The following IL1RAPL2 variants were observed in gnomAD, a reference collection of about 807,000 sequenced individuals.
IL1RAPL2 encodes interleukin 1 receptor accessory protein like 2.
Under a neutral mutation model 44.1 loss-of-function variants are expected in IL1RAPL2, and 3 were observed. The ratio of observed to expected loss-of-function variants is 0.07; its 90% confidence interval spans 0.03 to 0.18. IL1RAPL2 has a LOEUF of 0.18. IL1RAPL2 is among the 10% of genes least tolerant of loss of function. The pLI, the probability that IL1RAPL2 is intolerant of heterozygous loss-of-function variation, is 1.00. For synonymous variants in IL1RAPL2, 181 were observed against 178.8 expected (o/e 1.01, Z -0.10); for missense variants, 391 against 496.4 (o/e 0.79, Z 2.02).
chrX:104,905,178 A>G (rs1373121656), intron 2 of IL1RAPL2, among the ~76,000 whole-genome samples: 1 of 111,022 alleles, frequency 9.0e-6, no homozygotes, highest in South Asian at 3.8e-4. Flanking sequence ...AATTTGTTGG[A>G]GTTCATTGTA....
chrX:104,772,621 A>G (rs1357128782), intron 2 of IL1RAPL2, among the ~76,000 whole-genome samples: 2 of 112,028 alleles, frequency 1.8e-5, no homozygotes, highest in African/African-American at 3.2e-5. Context: ...CAATTTCCAC[A>G]TGTTTAAAGC....
intron 2 of IL1RAPL2, among the ~76,000 whole-genome samples, chrX:104,883,803 C>T (rs889000962): frequency 2.7e-5 from 3 of 111,637 alleles, no homozygotes; most frequent in Non-Finnish European, 5.6e-5. Context: ...AGGATCCCTC[C>T]TCAGACTAGC....
chrX:105,273,140 C>T (rs2034460196), intron 5 of IL1RAPL2, among the ~76,000 whole-genome samples: 1 of 111,525 alleles, frequency 9.0e-6, no homozygotes, highest in Admixed American at 9.5e-5. Flanking sequence ...TCCCAGAGAG[C>T]TTTTATCTAT....
intron 5 of IL1RAPL2, among the ~76,000 whole-genome samples, chrX:105,353,845 G>A (rs972525067): frequency 1.8e-5 from 2 of 111,054 alleles, no homozygotes; most frequent in Non-Finnish European, 3.8e-5. Flanking sequence ...GAGGCGATGG[G>A]GTTTTCTAGA....
chrX:105,370,253 G>A (rs749930916), intron 5 of IL1RAPL2, among the ~76,000 whole-genome samples: 123 of 111,489 alleles, frequency 1.1e-3, no homozygotes, highest in Non-Finnish European at 1.8e-3. Flanking sequence ...GTTCAGGGGT[G>A]CACATGCAAA....
chrX:104,699,102 T>C (rs1311178105), intron 2 of IL1RAPL2, among the ~76,000 whole-genome samples: 2 of 111,673 alleles, frequency 1.8e-5, no homozygotes, highest in Non-Finnish European at 3.8e-5. Context: ...TCTGCCATCA[T>C]CTAGACCAGC....
chrX:105,054,403 A>C (rs189554744), intron 2 of IL1RAPL2, among the ~76,000 whole-genome samples: 17 of 111,789 alleles, frequency 1.5e-4, no homozygotes, highest in African/African-American at 5.5e-4. Flanking sequence ...GATCTGTGCT[A>C]TCTGATATGG....
rs897378818 is a variant in IL1RAPL2, at chrX:104,672,628, G to A, written c.82+13633G>A. Among the ~76,000 whole-genome samples, 7 of 102,722 alleles carry A rather than the reference G, an allele frequency of 6.8e-5. No homozygotes were observed. In the South Asian group the frequency reaches 3.3e-3, roughly 49 times the overall value. 89.2% of individuals were successfully genotyped at this position (102,722 alleles called of 115,157 possible). On this transcript the variant is annotated intron_variant, in intron 2 of 10. Transcript: ENST00000372582. ...TATATACCCAGTAATGGGATGGCTGGGTCAAATGGTATTTCCAGTTCTAGA... is the reference window on the plus strand; with the variant it reads ...TATATACCCAGTAATGGGATGGCTGAGTCAAATGGTATTTCCAGTTCTAGA...
chrX:104,634,846 A>G (rs1423188549), intron 1 of IL1RAPL2, among the ~76,000 whole-genome samples: 3 of 111,664 alleles, frequency 2.7e-5, no homozygotes, highest in South Asian at 7.6e-4. Flanking sequence ...ATTTACATTT[A>G]AGGTTAATAT....
intron 2 of IL1RAPL2, among the ~76,000 whole-genome samples, chrX:105,088,248 C>G (rs1055965715): frequency 9.0e-6 from 1 of 111,484 alleles, no homozygotes; most frequent in Non-Finnish European, 1.9e-5. Context: ...TGCTAGCTAG[C>G]TGGTGATGAG....
At chrX:104,607,815 G>C (rs773924318) in intron 1 of IL1RAPL2, among the ~76,000 whole-genome samples, 1 of 112,318 alleles carries the variant, frequency 8.9e-6, no homozygotes, top group East Asian at 2.8e-4. Flanking sequence ...GTGGAAGACA[G>C]TGTGGAAATT....
chrX:105,076,315 A>C (rs1431586665), intron 2 of IL1RAPL2, among the ~76,000 whole-genome samples: 2 of 111,727 alleles, frequency 1.8e-5, no homozygotes, highest in Non-Finnish European at 3.8e-5. Flanking sequence ...GTAGTCATTC[A>C]GGAGCAGGTT....
chrX:105,164,961 C>T (rs887466246), intron 2 of IL1RAPL2, among the ~76,000 whole-genome samples: 6 of 111,635 alleles, frequency 5.4e-5, no homozygotes, highest in African/African-American at 2.0e-4. Context: ...CTTCTTTGCA[C>T]ATATCACTAC....
intron 2 of IL1RAPL2, among the ~76,000 whole-genome samples, chrX:104,847,686 G>T (rs762437231): frequency 1.8e-5 from 2 of 111,431 alleles, no homozygotes; most frequent in South Asian, 7.6e-4. Flanking sequence ...GTTCTTTTTT[G>T]GTTTCATATG....
intron 1 of IL1RAPL2, among the ~76,000 whole-genome samples, chrX:104,611,754 G>C (rs769835041): frequency 2.8e-5 from 3 of 105,544 alleles, no homozygotes; most frequent in Non-Finnish European, 5.8e-5. Context: ...GGAGAATGGC[G>C]TGAACCCAGG....
At chrX:104,673,568 T>C (rs1287096603) in intron 2 of IL1RAPL2, among the ~76,000 whole-genome samples, 2 of 110,939 alleles carry the variant, frequency 1.8e-5, no homozygotes, top group African/African-American at 6.6e-5. Context: ...TTAGGATTGA[T>C]TTGGCGATGT....
At chrX:104,630,170 C>T (rs769403792) in intron 1 of IL1RAPL2, among the ~76,000 whole-genome samples, 7 of 81,519 alleles carry the variant, frequency 8.6e-5, no homozygotes, top group Admixed American at 1.4e-4. Context: ...TTTTTTGAGA[C>T]GTAGTCTCAC....
intron 2 of IL1RAPL2, among the ~76,000 whole-genome samples, chrX:104,833,962 T>C (rs1921675708): frequency 8.9e-6 from 1 of 111,968 alleles, no homozygotes; most frequent in Admixed American, 9.5e-5. Flanking sequence ...TGGTAATCCA[T>C]TTGGTTTTCT....
chrX:104,721,575 C>T (rs754237696), intron 2 of IL1RAPL2, among the ~76,000 whole-genome samples: 9 of 110,099 alleles, frequency 8.2e-5, no homozygotes, highest in Non-Finnish European at 1.5e-4. Flanking sequence ...CCAAGGGATG[C>T]GGGGTTTAAT....
Sources: gnomAD v4.1 joint callset for allele counts (sites outside exome capture counted in the v4.1 genomes callset) on GRCh38, gnomAD v4.1.1 for gene constraint, MANE v1.5 for transcripts, NCBI Gene and HGNC (gene_info 2026-07-23, HGNC 2026-07-21) for gene names.